TMEM268: variants seen among roughly 807,000 people sequenced by gnomAD.
The protein encoded by TMEM268 is transmembrane protein C9orf91.
In TMEM268, 24 loss-of-function variants were observed where a neutral mutation model predicts 39.1. That is an observed-to-expected ratio of 0.61 (90% confidence interval 0.44 to 0.86). The LOEUF is 0.86. Among genes scored for constraint, TMEM268 ranks in the 40% least tolerant of loss-of-function variants. The probability of loss-of-function intolerance (pLI) is 0.00; values close to 1 mark genes in which losing one functional copy is unlikely to be tolerated. For synonymous variants in TMEM268, 176 were observed against 173.5 expected (o/e 1.01, Z -0.12); for missense variants, 409 against 428.6 (o/e 0.95, Z 0.40).
Position 114,633,874 on chromosome 9 carries a change from T to G in TMEM268, c.581T>G (p.Ile194Ser), listed in dbSNP as rs377703138. 3.2e-6 allele frequency: 5 copies of G among 1,580,584 alleles called. No homozygotes were observed. Among genetic ancestry groups the G allele is most frequent in the Non-Finnish European group, 3.4e-6 (4 of 1,160,288 alleles). ...TDTVEGCQSV[I>S]QLWFVYFDLE... Reference sequence around the variant, plus strand: ...ACAGTGGAAGGATGCCAGAGTGTGATTCAGGTGCTGTGTCTCATAGTTACC... The same window carrying G: ...ACAGTGGAAGGATGCCAGAGTGTGAGTCAGGTGCTGTGTCTCATAGTTACC... Residue 194 changes from isoleucine to serine, a missense_variant, in exon 6 of 9, where the codon ATT becomes AGT. Coordinates refer to ENST00000288502, the MANE Select transcript of TMEM268 (RefSeq NM_153045.4).
chr9:114,617,293 G>T lies in TMEM268; in HGVS notation c.98G>T (p.Trp33Leu). 6.2e-7 allele frequency: 1 copy of T among 1,611,858 alleles called. No homozygotes were observed. Among genetic ancestry groups the T allele is most frequent in the East Asian group, 2.2e-5 (1 of 44,778 alleles). ...CTGCCTGGAGGGAGCCCTCCTGGCT[G>T]GGGGCAAGGTAAGATCATGACCTTT... ...SALPGGSPPG[W>L]GQELHNGQVL... Residue 33 changes from tryptophan to leucine, a missense_variant, in exon 2 of 9, where the codon TGG (tryptophan) becomes TTG (leucine). Transcript: ENST00000288502.
intron 4 of TMEM268, among the ~76,000 whole-genome samples, chr9:114,627,322 G>A (rs369288228): frequency 1.3e-5 from 2 of 152,132 alleles, no homozygotes; most frequent in Admixed American, 1.3e-4. Context: ...CCTCCTCTCC[G>A]GAACTTGGTT....
At chr9:114,638,469 C>A in intron 7 of TMEM268, 75 bp from the exon 8 acceptor site, 1 of 1,177,962 alleles carries the variant, frequency 8.5e-7, no homozygotes, top group Non-Finnish European at 1.2e-6. Flanking sequence ...CGGTCTGCAG[C>A]TTGGGGAGGG....
Position 114,617,229 on chromosome 9 carries a change from A to C in TMEM268, c.34A>C (p.Thr12Pro). 1 of 1,611,754 alleles carries C rather than the reference A, an allele frequency of 6.2e-7. No individual in the cohort carries two copies. The highest frequency in any genetic ancestry group is 8.5e-7 in the Non-Finnish European group (1 of 1,179,024). Residue 12 changes from threonine to proline, a missense_variant, in exon 2 of 9, where the codon ACT (threonine) becomes CCT (proline). By Grantham distance (38) the Thr-to-Pro change is conservative. Coordinates refer to ENST00000288502, the MANE Select transcript of TMEM268 (RefSeq NM_153045.4). ...ACEPQVDPGA[T>P]GPLPPSSPGW... Reference sequence around the variant, plus strand: ...TGAACCACAGGTGGACCCGGGGGCCACTGGCCCATTGCCCCCCTCCTCCCC... The same window carrying C: ...TGAACCACAGGTGGACCCGGGGGCCCCTGGCCCATTGCCCCCCTCCTCCCC...
chr9:114,607,241 G>C (rs1422288961), upstream of TMEM268, among the ~76,000 whole-genome samples: 8 of 152,212 alleles, frequency 5.3e-5, no homozygotes, highest in Admixed American at 5.2e-4. Context: ...GTTAGGGGCA[G>C]GGGGATAGCT....
At chr9:114,630,357 T>C (rs7856554) in intron 5 of TMEM268, among the ~76,000 whole-genome samples, 100,310 of 152,006 alleles carry the variant, frequency 0.66, 33,580 homozygotes, top group Non-Finnish European at 0.72. Context: ...TCCCAGAAAA[T>C]GCGCAAGGCT....
intron 5 of TMEM268, among the ~76,000 whole-genome samples, chr9:114,631,282 C>CA (rs3035421): frequency 0.024 from 3,136 of 129,336 alleles, 69 homozygotes; most frequent in East Asian, 0.077. Context: ...CAGCCTGCCT[C>CA]AAAAAAAAAA....
At chr9:114,609,071 A>G (rs1845403722), upstream of TMEM268, among the ~76,000 whole-genome samples, 1 of 152,200 alleles carries the variant, frequency 6.6e-6, no homozygotes, top group Non-Finnish European at 1.5e-5. Flanking sequence ...GTACTTTGGG[A>G]GGCCAAGGCG....
chr9:114,614,868 A>G (rs1564283280), intron 1 of TMEM268, among the ~76,000 whole-genome samples: 2 of 150,704 alleles, frequency 1.3e-5, no homozygotes, highest in East Asian at 3.9e-4. Flanking sequence ...TCATTAAGGA[A>G]ACACCCATGA....
Position 114,624,424 on chromosome 9 carries a change from GCC to G in TMEM268, c.182_183del (p.Ala61GlyfsTer15). 6.3e-7 allele frequency: 1 copy of G among 1,591,752 alleles called. No homozygotes were observed. The highest frequency in any genetic ancestry group is 8.6e-7 in the Non-Finnish European group (1 of 1,167,566). On this transcript the variant is annotated frameshift_variant, in exon 3 of 9. Coordinates refer to ENST00000288502, the MANE Select transcript of TMEM268 (RefSeq NM_153045.4). LOFTEE classifies it high-confidence loss of function. ...TCAPISFDLGAAEEQLQTWGI... is the reference protein window; with the variant it reads ...TCAPISFDLGXAEEQLQTWGI... ...TGCACCCATCTCCTTCGACCTGGGAGCCGCAGAAGAGCAACTGCAAACTTGGG... is the reference window on the plus strand; with the variant it reads ...TGCACCCATCTCCTTCGACCTGGGAGGCAGAAGAGCAACTGCAAACTTGGG...
intron 3 of TMEM268, among the ~76,000 whole-genome samples, chr9:114,626,620 G>C (rs1215979843): frequency 6.6e-6 from 1 of 152,226 alleles, no homozygotes; most frequent in African/African-American, 2.4e-5. Context: ...GCCCAGGGCT[G>C]TCTGACTCCA....
intron 4 of TMEM268, 22 bp downstream of exon 4, chr9:114,627,028 C>T: frequency 6.5e-7 from 1 of 1,527,192 alleles, no homozygotes; most frequent in East Asian, 2.3e-5. Flanking sequence ...GTGGCCCGCA[C>T]ACTGACCCTG....
chr9:114,604,780 G>A, the TMEM268 span, among the ~76,000 whole-genome samples: 1 of 151,996 alleles, frequency 6.6e-6, no homozygotes, highest in African/African-American at 2.4e-5. Context: ...ATCAAGGGAA[G>A]GCCATTATGT....
At position 114,627,923 on chromosome 9, in the gene TMEM268, C is replaced by A. The variant is rs182980078; in HGVS notation, c.325-178C>A. On this transcript the variant is annotated intron_variant, in intron 4 of 8. Transcript: ENST00000288502. Reference sequence around the variant, plus strand: ...CTTTTTGTCTACTTTTGCTTATAAACAAGGAACATTAGCTCATTCTCACAG... The same window carrying A: ...CTTTTTGTCTACTTTTGCTTATAAAAAAGGAACATTAGCTCATTCTCACAG... Among the ~76,000 whole-genome samples, 21 of 152,294 alleles carry A rather than the reference C, an allele frequency of 1.4e-4. 1 individual carries two copies. The highest frequency in any genetic ancestry group is 1.2e-3 in the Admixed American group (18 of 15,298).
At chr9:114,639,602 A>T (rs1297971505) in intron 8 of TMEM268, among the ~76,000 whole-genome samples, 2 of 152,004 alleles carry the variant, frequency 1.3e-5, no homozygotes, top group Non-Finnish European at 2.9e-5. Context: ...GTGACATTTG[A>T]AACTTCAGAA....
upstream of TMEM268, among the ~76,000 whole-genome samples, chr9:114,609,861 A>G (rs1845432611): frequency 6.6e-6 from 1 of 152,080 alleles, no homozygotes; most frequent in African/African-American, 2.4e-5. Flanking sequence ...AGAAAGAGAA[A>G]GAGAAAGAAA....
At chr9:114,606,815 GT>G (rs564877099), upstream of TMEM268, among the ~76,000 whole-genome samples, 19 of 150,928 alleles carry the variant, frequency 1.3e-4, no homozygotes, top group South Asian at 4.0e-3. Flanking sequence ...TCCATGAAAA[GT>G]TTAGGAAGTT....
At chr9:114,610,560 A>C (rs1845453392), upstream of TMEM268, among the ~76,000 whole-genome samples, 1 of 152,204 alleles carries the variant, frequency 6.6e-6, no homozygotes, top group Non-Finnish European at 1.5e-5. Context: ...ATGTGCTCTA[A>C]GGAAAAATAC....
upstream of TMEM268, among the ~76,000 whole-genome samples, chr9:114,608,880 T>C (rs1845400963): frequency 6.6e-6 from 1 of 152,170 alleles, no homozygotes; most frequent in Non-Finnish European, 1.5e-5. Flanking sequence ...GCCTGGGTGG[T>C]ATCTACTTCT....
Sources: gnomAD v4.1 joint callset for allele counts (sites outside exome capture counted in the v4.1 genomes callset) on GRCh38, gnomAD v4.1.1 for gene constraint, MANE v1.5 for transcripts, NCBI Gene and HGNC (gene_info 2026-07-23, HGNC 2026-07-21) for gene names.